The following AK1 variants were observed in gnomAD, a reference collection of about 807,000 sequenced individuals.
The protein encoded by AK1 is adenylate kinase 1, also known as adenylate kinase isoenzyme 1.
AK1 carries 13 observed loss-of-function variants against 23.9 expected under a neutral mutation model. That is an observed-to-expected ratio of 0.54 (90% CI 0.35 to 0.86). The LOEUF is 0.86. Among genes scored for constraint, AK1 ranks in the 40% least tolerant of loss-of-function variants. AK1 has a pLI of 0.01. For missense variants in AK1, 214 were observed against 255.1 expected (o/e 0.84, Z 1.10); for synonymous variants, 97 against 102.8 (o/e 0.94, Z 0.34).
intron 4 of AK1, 123 bp downstream of exon 4, chr9:127,872,567 G>C (rs1009764293): frequency 7.6e-7 from 1 of 1,317,236 alleles, no homozygotes; most frequent in Non-Finnish European, 1.1e-6. Flanking sequence ...AACCACAGAA[G>C]GGTTTGGAGC....
At chr9:127,878,664 T>G (rs1829589084), upstream of AK1, among the ~76,000 whole-genome samples, 2 of 151,926 alleles carry the variant, frequency 1.3e-5, no homozygotes, top group South Asian at 4.2e-4. Context: ...AGCAAGAGAG[T>G]GAGACTACCA....
chr9:127,873,098 C>G, intron 2 of AK1, 37 bp from the exon 3 acceptor site: 1 of 1,605,854 alleles, frequency 6.2e-7, no homozygotes, highest in Non-Finnish European at 8.5e-7. Flanking sequence ...CTCAGTCACT[C>G]GCTGGACCCA....
In AK1 at chr9:127,871,799, T is replaced by C; in HGVS notation, c.324+24A>G. On this transcript the variant is annotated intron_variant, in intron 5 of 6. Coordinates refer to ENST00000644144, the MANE Select transcript of AK1 (RefSeq NM_000476.3). The surrounding 1 kb of genome is among the most constrained non-coding windows in gnomAD (Gnocchi z 4.4). ...CTTATCCTGCCCCAGCCCACCAGGA[T>C]CCCCACTTGGGTCAGTGCCTTACCC... The C allele has an allele frequency of 1.9e-6, 3 of 1,604,184 alleles. No individual in the cohort carries two copies. The highest frequency in any genetic ancestry group is 2.6e-6 in the Non-Finnish European group (3 of 1,171,184).
At chr9:127,873,378 C>T (rs771620419) in intron 2 of AK1, 1 of 1,574,824 alleles carries the variant, frequency 6.3e-7, no homozygotes, top group Non-Finnish European at 8.6e-7. Flanking sequence ...GGTGCCTGGA[C>T]CCCGGGGCCG....
chr9:127,870,132 C>T (rs1829355112), intron 5 of AK1, among the ~76,000 whole-genome samples: 1 of 151,612 alleles, frequency 6.6e-6, no homozygotes, highest in Non-Finnish European at 1.5e-5. Flanking sequence ...GAGGCCACAG[C>T]AGGGATGGGA....
rs967581545 is a variant in AK1, at chr9:127,867,807, A to G, written c.*201T>C. On this transcript the variant is annotated 3_prime_UTR_variant, in exon 7 of 7. Transcript: ENST00000644144. ...GGCACAAGCACATGAATCAACTCCA[A>G]CTGGAAGCAGAGAAAAAGCAGTAAA... 2 of 587,428 alleles carry G rather than the reference A, an allele frequency of 3.4e-6. No individual in the cohort carries two copies. Among genetic ancestry groups the G allele is most frequent in the African/African-American group, 1.9e-5 (1 of 53,728 alleles). 36.4% of individuals were successfully genotyped at this position (587,428 alleles called of 1,614,324 possible). A position where few individuals can be genotyped will look rare whatever the true frequency, so the allele number is the denominator to read the frequency against.
upstream of AK1, among the ~76,000 whole-genome samples, chr9:127,878,977 C>T (rs894506134): frequency 9.9e-5 from 15 of 151,862 alleles, no homozygotes; most frequent in Non-Finnish European, 1.8e-4. Flanking sequence ...TTCAGGAGGA[C>T]GAGGTGGGAG....
chr9:127,874,694 C>G (rs552688214), intron 1 of AK1, 45 bp from the exon 2 acceptor site: 1 of 1,585,930 alleles, frequency 6.3e-7, no homozygotes, highest in East Asian at 2.2e-5. Flanking sequence ...TCCTCCTCAC[C>G]CTGACTCACC....
intron 2 of AK1, chr9:127,873,736 C>T: frequency 1.0e-6 from 1 of 985,444 alleles, no homozygotes; most frequent in Non-Finnish European, 1.2e-6. Flanking sequence ...AAGGCCTGCT[C>T]AAGGGATGTC....
intron 5 of AK1, among the ~76,000 whole-genome samples, chr9:127,870,313 G>A (rs866119044): frequency 2.0e-5 from 3 of 149,542 alleles, no homozygotes; most frequent in East Asian, 2.0e-4. Context: ...AATGATTCTC[G>A]TGTCTCAGCC....
Position 127,868,451 on chromosome 9 carries a change from AGCCGCTGGGTCATGGTCTCAGG to A in AK1, c.364_385del (p.Pro122SerfsTer2), listed in dbSNP as rs764253801. The A allele has an allele frequency of 6.2e-7, 1 of 1,609,656 alleles. No individual in the cohort carries two copies. Among genetic ancestry groups the A allele is most frequent in the South Asian group, 1.1e-5 (1 of 89,938 alleles). ...CCCGCTGGTCTCTCCACGTTTCAAGAGCCGCTGGGTCATGGTCTCAGGGCCTGCGTCCACATACAGCAGCAGT... is the reference window on the plus strand; with the variant it reads ...CCCGCTGGTCTCTCCACGTTTCAAGAGCCTGCGTCCACATACAGCAGCAGT... On this transcript the variant is annotated frameshift_variant, in exon 6 of 7. Transcript: ENST00000644144. LOFTEE classifies it high-confidence loss of function. The surrounding 1 kb of genome is among the most constrained non-coding windows in gnomAD (Gnocchi z 4.1).
rs1259651663 is a variant in AK1, at chr9:127,873,215, C to A, written c.8-154G>T. 7 of 1,538,672 alleles carry A rather than the reference C, an allele frequency of 4.5e-6. No individual in the cohort carries two copies. In the South Asian group the frequency reaches 8.3e-5, roughly 18 times the overall value. On this transcript the variant is annotated intron_variant, in intron 2 of 6. Transcript: ENST00000644144. ...AGGCAGACAAGTCACAGCCCAGAGT[C>A]AGCAGGGATGTGAGTGAGCTCGGAG... is the stretch of plus-strand genomic sequence containing the variant.
chr9:127,874,210 G>A, intron 2 of AK1: 1 of 985,438 alleles, frequency 1.0e-6, no homozygotes, highest in Non-Finnish European at 1.2e-6. Flanking sequence ...ATAGGAACTA[G>A]GAGGGTCCAA....
At position 127,871,858 on chromosome 9, in the gene AK1, G is replaced by A. The variant is rs755458590; in HGVS notation, c.289C>T (p.Arg97Trp). 40 of 1,614,036 alleles carry A rather than the reference G, an allele frequency of 2.5e-5. No homozygotes were observed. The highest frequency in any genetic ancestry group is 3.1e-5 in the Non-Finnish European group (36 of 1,180,002). ...AACTCTTCTCCTTGCTGCACCTCCC[G>A]CGGGTAGCCATCAATCAGGAAGCCT... Reference protein sequence around the residue: ...SKGFLIDGYPREVQQGEEFER... With the variant: ...SKGFLIDGYPWEVQQGEEFER... The change falls in exon 5 of 7, where the codon CGG (arginine) becomes TGG (tryptophan). Residue 97 changes from arginine to tryptophan, a missense_variant. Physicochemically the swap from Arg to Trp is moderately radical, Grantham distance 101 (BLOSUM62 -3). Coordinates refer to ENST00000644144, the MANE Select transcript of AK1 (RefSeq NM_000476.3). This position sits in a 1 kb window ranked among gnomAD's most constrained non-coding sequence, Gnocchi z 4.4.
At chr9:127,869,168 G>A (rs757841697) in intron 5 of AK1, among the ~76,000 whole-genome samples, 9 of 152,162 alleles carry the variant, frequency 5.9e-5, no homozygotes, top group East Asian at 5.8e-4. Flanking sequence ...TCCATGGGAC[G>A]CCTTGGAAAG....
At chr9:127,878,127 C>T (rs1829581535), upstream of AK1, among the ~76,000 whole-genome samples, 2 of 152,204 alleles carry the variant, frequency 1.3e-5, no homozygotes, top group Admixed American at 1.3e-4. Flanking sequence ...GCCACAGTCC[C>T]CAAGCCCGCC....
rs61742069 is a variant in AK1 at position 127,872,711 on chromosome 9, C to T, written c.186G>A (p.Glu62=). 4,497 of 1,614,152 alleles carry T rather than the reference C, an allele frequency of 2.8e-3. 110 individuals carry two copies. The African/African-American group carries it at 0.052, about 18-fold the overall frequency. Residue 62 remains glutamate, a synonymous_variant, in exon 4 of 7, where the codon GAG becomes GAA. Transcript: ENST00000644144. ...TCACCAGTGGAACCAGCTGCCCCTT[C>T]TCCATGATTTCCGACAGCTTCTTGC... ...ARGKKLSEIM[E]KGQLVPLETV... is the part of the protein sequence containing the mutation.
At chr9:127,870,816 A>AATGGGGCATGGGG (rs1227004373) in intron 5 of AK1, among the ~76,000 whole-genome samples, 119 of 17,082 alleles carry the variant, frequency 7.0e-3, no homozygotes, top group African/African-American at 0.011. Context: ...GGGGCATGGG[A>AATGGGGCATGGGG]ATGGGGCATG....
In AK1 at chr9:127,871,377, C is replaced by T. The variant is rs1027206955; in HGVS notation, c.324+446G>A. Among the ~76,000 whole-genome samples, 6 of 151,564 alleles carry T rather than the reference C, an allele frequency of 4.0e-5. No individual in the cohort carries two copies. Among genetic ancestry groups the T allele is most frequent in the African/African-American group, 1.5e-4 (6 of 40,832 alleles). ...GCCCACATATTCTGTTCTCCCCACA[C>T]TGGCCTTGCCTTTCCAGCCCTGCCA... On this transcript the variant is annotated intron_variant, in intron 5 of 6. Coordinates refer to ENST00000644144, the MANE Select transcript of AK1 (RefSeq NM_000476.3). This position sits in a 1 kb window ranked among gnomAD's most constrained non-coding sequence, Gnocchi z 4.4.
Sources: allele counts gnomAD v4.1 joint callset (sites outside exome capture counted in the v4.1 genomes callset), GRCh38; gene constraint gnomAD v4.1.1; non-coding constraint Gnocchi (gnomAD v3.1); transcripts MANE v1.5; gene names NCBI Gene and HGNC (gene_info 2026-07-23, HGNC 2026-07-21).